MAP2: variants seen among roughly 807,000 people sequenced by gnomAD.
MAP2 encodes microtubule-associated protein 2.
A neutral mutation model predicts 137.6 loss-of-function variants in MAP2; 14 were observed. The observed-to-expected ratio is 0.10, with a 90% CI of 0.07 to 0.16. The LOEUF (loss-of-function observed/expected upper bound fraction) is 0.16. Among genes scored for constraint, MAP2 ranks in the 10% least tolerant of loss-of-function variants. The pLI is 1.00. For synonymous variants in MAP2, 786 were observed against 782.3 expected (o/e 1.00, Z -0.08); for missense variants, 2,088 against 2,191.5 (o/e 0.95, Z 0.94).
rs113500709 is a variant in MAP2, at chr2:209,641,462, T to A, written c.-29-11680T>A. Among the ~76,000 whole-genome samples the A allele has an allele frequency of 2.1e-3, 319 of 152,050 alleles. 3 individuals carry two copies. Among genetic ancestry groups the A allele is most frequent in the African/African-American group, 6.8e-3 (281 of 41,488 alleles). Reference sequence around the variant, plus strand: ...ATTTTTTCTCCTTATAAAGAAAAATTCTAATGTAGGGGTCAAAGTTTATTT... The same window carrying A: ...ATTTTTTCTCCTTATAAAGAAAAATACTAATGTAGGGGTCAAAGTTTATTT... On this transcript the variant is annotated intron_variant, in intron 4 of 15. Coordinates refer to ENST00000682079, the MANE Select transcript of MAP2 (RefSeq NM_001375505.1).
intron 2 of MAP2, among the ~76,000 whole-genome samples, chr2:209,529,503 A>G (rs1397200223): frequency 6.6e-6 from 1 of 152,162 alleles, no homozygotes; most frequent in Non-Finnish European, 1.5e-5. Flanking sequence ...GTTACTGTTT[A>G]GTCCATTAAA....
intron 4 of MAP2, among the ~76,000 whole-genome samples, chr2:209,630,600 A>G (rs976418357): frequency 1.3e-5 from 2 of 152,078 alleles, no homozygotes; most frequent in Non-Finnish European, 2.9e-5. Flanking sequence ...CTCATGGTAC[A>G]GTTTATTTAT....
At chr2:209,591,446 A>C (rs1477964468) in intron 3 of MAP2, among the ~76,000 whole-genome samples, 2 of 152,216 alleles carry the variant, frequency 1.3e-5, no homozygotes, top group Admixed American at 6.5e-5. Context: ...ACAGTCTAAA[A>C]AAAATAAAAA....
chr2:209,556,631 G>A (rs1043130196), intron 2 of MAP2, among the ~76,000 whole-genome samples: 2 of 138,894 alleles, frequency 1.4e-5, no homozygotes, highest in South Asian at 2.2e-4. Flanking sequence ...TTGCATACAC[G>A]CACACATACT....
chr2:209,713,284 T>A (rs1245540146), intron 13 of MAP2, among the ~76,000 whole-genome samples: 1 of 152,168 alleles, frequency 6.6e-6, no homozygotes, highest in Non-Finnish European at 1.5e-5. Flanking sequence ...TCCAAATTAT[T>A]TGCCTGCAGT....
At chr2:209,709,591 C>A (rs1046717297) in intron 12 of MAP2, among the ~76,000 whole-genome samples, 2 of 152,040 alleles carry the variant, frequency 1.3e-5, no homozygotes, top group African/African-American at 4.8e-5. Context: ...CAACTAAAGG[C>A]AGATCCATTT....
chr2:209,670,726 A>T (rs1000872382), intron 5 of MAP2, among the ~76,000 whole-genome samples: 2 of 151,932 alleles, frequency 1.3e-5, no homozygotes, highest in South Asian at 4.1e-4. Context: ...CTGTACTCAC[A>T]ATCCTAGTCT....
At chr2:209,444,706 A>G (rs1191313393) in intron 1 of MAP2, among the ~76,000 whole-genome samples, 4 of 151,642 alleles carry the variant, frequency 2.6e-5, no homozygotes, top group African/African-American at 9.7e-5. Context: ...AATTATAATA[A>G]CTATTTTTAT....
chr2:209,656,868 CG>C (rs1235653276), intron 5 of MAP2, among the ~76,000 whole-genome samples: 2 of 152,078 alleles, frequency 1.3e-5, no homozygotes, highest in Non-Finnish European at 2.9e-5. Context: ...TGAGTGTACC[CG>C]TCACCTGAAT....
intron 2 of MAP2, among the ~76,000 whole-genome samples, chr2:209,527,845 C>G (rs974118105): frequency 6.6e-6 from 1 of 152,146 alleles, no homozygotes; most frequent in Non-Finnish European, 1.5e-5. Flanking sequence ...TTTGTCAAGT[C>G]TTCCAAGTAA....
intron 3 of MAP2, among the ~76,000 whole-genome samples, chr2:209,600,759 G>A (rs1302319309): frequency 2.6e-5 from 4 of 152,192 alleles, no homozygotes. Flanking sequence ...CAGCGGCCTT[G>A]AATTTGCAGG....
intron 1 of MAP2, among the ~76,000 whole-genome samples, chr2:209,445,251 T>C (rs1698788079): frequency 1.3e-5 from 2 of 151,632 alleles, no homozygotes; most frequent in African/African-American, 4.8e-5. Flanking sequence ...TTATTTTGCC[T>C]TCATGCTCTC....
At position 209,695,984 on chromosome 2, in the gene MAP2, A is replaced by G. The variant is rs747127635; in HGVS notation, c.3814A>G (p.Thr1272Ala). ...AGGTGCCAGGGAGGAATTTGTGGAG[A>G]CCTGCCCAAGTGAACACAAAGGAGT... ...VSGAREEFVE[T>A]CPSEHKGVIE... is the part of the protein sequence containing the mutation. The change falls in exon 8 of 16, where the codon ACC becomes GCC. Residue 1272 changes from threonine (T) to alanine (A), a missense_variant. Thr to Ala is a moderately conservative substitution (Grantham distance 58). This residue lies in a region of MAP2 where 591 missense variants were observed against 642.6 expected (regional missense o/e 0.92). Coordinates refer to ENST00000682079, the MANE Select transcript of MAP2 (RefSeq NM_001375505.1). 8 of 1,613,964 alleles carry G rather than the reference A, an allele frequency of 5.0e-6. No homozygotes were observed. Among genetic ancestry groups the G allele is most frequent in the Non-Finnish European group, 6.8e-6 (8 of 1,180,000 alleles).
At position 209,495,921 on chromosome 2, in the gene MAP2, A is replaced by G. The variant is rs960531473; in HGVS notation, c.-221-11671A>G. Among the ~76,000 whole-genome samples, 4 of 152,186 alleles carry G rather than the reference A, an allele frequency of 2.6e-5. No individual in the cohort carries two copies. In the East Asian group the frequency reaches 5.8e-4, roughly 22 times the overall value. ...TTTATTTCTAGTTACTGCATCACCT[A>G]GTCATTTTATGTTCAGTGTTGTGAC... On this transcript the variant is annotated intron_variant, in intron 1 of 15. Transcript: ENST00000682079.
At chr2:209,707,464 A>T (rs899588315) in intron 12 of MAP2, among the ~76,000 whole-genome samples, 2 of 152,120 alleles carry the variant, frequency 1.3e-5, no homozygotes, top group African/African-American at 4.8e-5. Flanking sequence ...GTACACAGGG[A>T]TGTTCTAACA....
At chr2:209,654,535 AAAT>A (rs1400771061) in intron 5 of MAP2, among the ~76,000 whole-genome samples, 4 of 150,328 alleles carry the variant, frequency 2.7e-5, no homozygotes, top group South Asian at 2.1e-4. Flanking sequence ...ATGGCTCAAG[AAAT>A]AATAACTGTT....
chr2:209,479,632 T>C (rs1708245121), intron 1 of MAP2, among the ~76,000 whole-genome samples: 1 of 152,024 alleles, frequency 6.6e-6, no homozygotes, highest in Non-Finnish European at 1.5e-5. Flanking sequence ...AGCCAACAAA[T>C]TATAGAAAAA....
At chr2:209,559,458 A>C (rs2071459180) in intron 2 of MAP2, among the ~76,000 whole-genome samples, 1 of 141,606 alleles carries the variant, frequency 7.1e-6, no homozygotes, top group African/African-American at 2.6e-5. Context: ...ACATGGTGAA[A>C]CTCCATCTCT....
intron 4 of MAP2, among the ~76,000 whole-genome samples, chr2:209,643,477 A>G (rs1949041): frequency 5.3e-5 from 8 of 152,134 alleles, no homozygotes; most frequent in African/African-American, 1.9e-4. Flanking sequence ...ACAAATTCAG[A>G]GTTATCTACC....
Sources: allele counts gnomAD v4.1 joint callset (sites outside exome capture counted in the v4.1 genomes callset), GRCh38; gene constraint gnomAD v4.1.1; regional missense constraint gnomAD v4.1.1; transcripts MANE v1.5; gene names NCBI Gene and HGNC (gene_info 2026-07-23, HGNC 2026-07-21).